ASB4: variants seen among roughly 807,000 people sequenced by gnomAD.
ASB4 encodes the protein ankyrin repeat and SOCS box containing 4.
In ASB4, 35 loss-of-function variants were observed where a neutral mutation model predicts 38.6. That is an observed-to-expected ratio of 0.91 (90% CI 0.69 to 1.20). The LOEUF (loss-of-function observed/expected upper bound fraction) is 1.20, where lower values mean the gene tolerates loss of function less well. Ranked by LOEUF, ASB4 falls within the 50% of genes most tolerant of loss-of-function variation. ASB4 has a pLI of 0.00. For synonymous variants in ASB4, 195 were observed against 201.3 expected (o/e 0.97, Z 0.26); for missense variants, 557 against 527.2 (o/e 1.06, Z -0.55).
intron 2 of ASB4, among the ~76,000 whole-genome samples, chr7:95,497,523 T>G (rs66593445): frequency 0.27 from 40,846 of 152,088 alleles, 5,617 homozygotes; most frequent in East Asian, 0.36. Flanking sequence ...GAGGCACCTA[T>G]GTAGGGATAA....
intron 3 of ASB4, among the ~76,000 whole-genome samples, chr7:95,530,905 G>A (rs1790811613): frequency 6.6e-6 from 1 of 152,172 alleles, no homozygotes; most frequent in African/African-American, 2.4e-5. Flanking sequence ...GTGGAATAGT[G>A]AAGGTGGTGA....
At chr7:95,498,338 C>A (rs944041101) in intron 2 of ASB4, among the ~76,000 whole-genome samples, 2 of 152,180 alleles carry the variant, frequency 1.3e-5, no homozygotes, top group South Asian at 2.1e-4. Context: ...TATTGGCTAA[C>A]ATTCTAAATG....
Position 95,536,532 on chromosome 7 carries a change from C to A in ASB4, c.1074C>A (p.Ile358=), listed in dbSNP as rs746119065. 3.1e-6 allele frequency: 5 copies of A among 1,609,402 alleles called. No individual in the cohort carries two copies. The East Asian group carries it at 8.9e-5, about 29-fold the overall frequency. ...GGAACACAAAGTGGAGAAGAGCTAT[C>A]CCCGATGATGACTTGGAGGTAAATA... ...IRWNTKWRRA[I]PDDDLEKYWD... is the part of the protein sequence containing the mutation. The change falls in exon 4 of 5, where the codon ATC becomes ATA. Residue 358 remains isoleucine, a synonymous_variant. Transcript: ENST00000325885.
rs61250820 is a variant in ASB4 at position 95,499,865 on chromosome 7, C to CT, written c.487+3834dup. Among the ~76,000 whole-genome samples the CT allele has an allele frequency of 5.3e-3, 407 of 77,260 alleles. 16 individuals are homozygous for CT. Among genetic ancestry groups the CT allele is most frequent in the Middle Eastern group, 7.4e-3 (1 of 136 alleles). The allele number at this position is 77,260 out of a possible 152,430, so 50.7% of individuals were successfully genotyped here. On this transcript the variant is annotated intron_variant, in intron 2 of 4. Transcript: ENST00000325885. ...ATCCAGAGACTACGGGATACATCCT[C>CT]TTTTTTTTTTTTTTTTTTTTTTTTT... is the stretch of plus-strand genomic sequence containing the variant.
At chr7:95,543,146 A>G (rs1438890938), downstream of ASB4, 3 of 151,326 alleles carry the variant, frequency 2.0e-5, no homozygotes, top group African/African-American at 4.8e-5. Flanking sequence ...GTGGGAACCA[A>G]TATAGATTAC....
chr7:95,481,863 A>T (rs1790023804), upstream of ASB4, among the ~76,000 whole-genome samples: 1 of 152,196 alleles, frequency 6.6e-6, no homozygotes, highest in African/African-American at 2.4e-5. Flanking sequence ...TGAAACAGTA[A>T]TAAAAAGCTC....
upstream of ASB4, among the ~76,000 whole-genome samples, chr7:95,476,585 C>T (rs886852536): frequency 2.6e-5 from 4 of 152,202 alleles, no homozygotes; most frequent in Non-Finnish European, 5.9e-5. Context: ...TTTGATTTCA[C>T]AGTCTTGCCT....
chr7:95,526,455 C>T (rs912484031), intron 2 of ASB4, among the ~76,000 whole-genome samples: 1 of 105,712 alleles, frequency 9.5e-6, no homozygotes. Flanking sequence ...AACGCATTTT[C>T]ATACATACTT....
chr7:95,517,461 G>GT (rs1360296942), intron 2 of ASB4, among the ~76,000 whole-genome samples: 2 of 152,166 alleles, frequency 1.3e-5, no homozygotes, highest in Admixed American at 1.3e-4. Context: ...AGGAAGTTAT[G>GT]TATAATAGGA....
At chr7:95,548,413 C>G in the ASB4 span, among the ~76,000 whole-genome samples, 2 of 152,186 alleles carry the variant, frequency 1.3e-5, no homozygotes, top group Admixed American at 1.3e-4. Flanking sequence ...CTTTGTATCT[C>G]AACTCCTAGC....
chr7:95,515,269 CTTT>C (rs1790557438), intron 2 of ASB4, among the ~76,000 whole-genome samples: 4 of 47,118 alleles, frequency 8.5e-5, no homozygotes, highest in African/African-American at 3.8e-4. Flanking sequence ...CTTTCTTTCT[CTTT>C]CTTTCTTTCT....
At chr7:95,488,467 T>C (rs1790124522) in intron 1 of ASB4, among the ~76,000 whole-genome samples, 1 of 152,246 alleles carries the variant, frequency 6.6e-6, no homozygotes, top group African/African-American at 2.4e-5. Context: ...TAGCTGCTAG[T>C]AGATCTAAGT....
chr7:95,543,783 G>C (rs1790999673), downstream of ASB4: 1 of 152,184 alleles, frequency 6.6e-6, no homozygotes, highest in African/African-American at 2.4e-5. Flanking sequence ...AGCTGAGTGG[G>C]ATGAAATTAT....
the ASB4 span, among the ~76,000 whole-genome samples, chr7:95,548,095 G>C: frequency 6.6e-6 from 1 of 152,174 alleles, no homozygotes; most frequent in Non-Finnish European, 1.5e-5. Context: ...CAAATATCTA[G>C]AAGTGAAATT....
At chr7:95,533,554 T>G (rs531771046) in intron 3 of ASB4, among the ~76,000 whole-genome samples, 1 of 152,346 alleles carries the variant, frequency 6.6e-6, no homozygotes, top group East Asian at 1.9e-4. Flanking sequence ...CTTCATCTCT[T>G]GATCTTCATG....
intron 2 of ASB4, among the ~76,000 whole-genome samples, chr7:95,520,096 T>C (rs1585813275): frequency 6.6e-6 from 1 of 152,182 alleles, no homozygotes; most frequent in Non-Finnish European, 1.5e-5. Flanking sequence ...AAATATTAAA[T>C]TTCAGTGCTG....
downstream of ASB4, among the ~76,000 whole-genome samples, chr7:95,540,634 T>G (rs956633431): frequency 2.6e-5 from 4 of 152,222 alleles, no homozygotes; most frequent in Non-Finnish European, 5.9e-5. Context: ...AAACTTTCTG[T>G]AAATAGGATC....
At chr7:95,479,241 G>A (rs1312596059) in intron 1 of ASB4, among the ~76,000 whole-genome samples, 1 of 152,060 alleles carries the variant, frequency 6.6e-6, no homozygotes, top group Non-Finnish European at 1.5e-5. Flanking sequence ...TCAGTCTGAC[G>A]GTCTTTCACC....
intron 2 of ASB4, among the ~76,000 whole-genome samples, chr7:95,504,704 C>T (rs2074125): frequency 0.47 from 71,033 of 151,918 alleles, 17,258 homozygotes; most frequent in African/African-American, 0.6. Flanking sequence ...TTGACATACA[C>T]TGAGGGTAAC....
Sources: allele counts gnomAD v4.1 joint callset (sites outside exome capture counted in the v4.1 genomes callset), GRCh38; gene constraint gnomAD v4.1.1; transcripts MANE v1.5; gene names NCBI Gene and HGNC (gene_info 2026-07-23, HGNC 2026-07-21).